The following CSMD3 variants were observed in gnomAD, a reference collection of about 807,000 sequenced individuals.
CSMD3 encodes the protein CUB and sushi domain-containing protein 3.
A neutral mutation model predicts 435.2 loss-of-function variants in CSMD3; 177 were observed. That is an observed-to-expected ratio of 0.41 (90% CI 0.36 to 0.46). CSMD3 has a LOEUF of 0.46. Among genes scored for constraint, CSMD3 ranks in the 20% least tolerant of loss-of-function variants. CSMD3 has a pLI of 0.34. For synonymous variants in CSMD3, 1,656 were observed against 1,520.5 expected (o/e 1.09, Z -2.07); for missense variants, 4,265 against 4,504.6 (o/e 0.95, Z 1.52).
At chr8:112,418,133 T>C (rs1432463593) in intron 32 of CSMD3, among the ~76,000 whole-genome samples, 1 of 152,096 alleles carries the variant, frequency 6.6e-6, no homozygotes, top group Non-Finnish European at 1.5e-5. Flanking sequence ...AAAGAAGGAT[T>C]CAAATCAAAG....
intron 32 of CSMD3, among the ~76,000 whole-genome samples, chr8:112,409,697 G>A (rs1832167697): frequency 6.6e-6 from 1 of 151,836 alleles, no homozygotes; most frequent in Non-Finnish European, 1.5e-5. Context: ...GTACAGTTCT[G>A]AAGTACATAC....
intron 64 of CSMD3, among the ~76,000 whole-genome samples, chr8:112,245,191 A>G (rs1586517036): frequency 6.6e-6 from 1 of 152,066 alleles, no homozygotes; most frequent in East Asian, 1.9e-4. Flanking sequence ...TTGTTCACCT[A>G]ACTCTCTCTC....
intron 1 of CSMD3, among the ~76,000 whole-genome samples, chr8:113,374,087 G>T (rs2094363367): frequency 6.6e-6 from 1 of 151,204 alleles, no homozygotes; most frequent in African/African-American, 2.4e-5. Flanking sequence ...TCTAGATATG[G>T]GTGCATTTAA....
chr8:112,644,652 C>T (rs2074928898), intron 20 of CSMD3, among the ~76,000 whole-genome samples: 1 of 151,888 alleles, frequency 6.6e-6, no homozygotes, highest in South Asian at 2.1e-4. Flanking sequence ...TATAGAATGG[C>T]TATAAATTTA....
chr8:112,413,922 C>T (rs903599234), intron 32 of CSMD3, among the ~76,000 whole-genome samples: 3 of 152,066 alleles, frequency 2.0e-5, no homozygotes, highest in Admixed American at 1.3e-4. Flanking sequence ...ACCCCCTTCC[C>T]TCAATGTCTG....
chr8:112,469,160 CAAAAAAA>C (rs71309771), intron 32 of CSMD3, among the ~76,000 whole-genome samples: 7,122 of 91,716 alleles, frequency 0.078, 218 homozygotes, highest in South Asian at 0.2. Context: ...CTACACCAGG[CAAAAAAA>C]AAAAAAAAAA....
rs1554646010 is a variant in CSMD3 at position 112,666,258 on chromosome 8, G to A, written c.2816+19C>T. ...TTAGATAATATTTTCTTTAAAAGTA[G>A]GAAAAATATTTGTGAGACCTTTCAA... On this transcript the variant is annotated intron_variant, in intron 17 of 70. Transcript: ENST00000297405. The A allele has an allele frequency of 6.3e-7, 1 of 1,583,764 alleles. No individual in the cohort carries two copies. Among genetic ancestry groups the A allele is most frequent in the South Asian group, 1.1e-5 (1 of 89,964 alleles).
intron 10 of CSMD3, among the ~76,000 whole-genome samples, chr8:112,903,886 G>T (rs916657722): frequency 6.6e-6 from 1 of 151,242 alleles, no homozygotes; most frequent in Non-Finnish European, 1.5e-5. Context: ...CAACTTTCTA[G>T]TTGGATGTAC....
At position 112,552,587 on chromosome 8, in the gene CSMD3, C is replaced by T. The variant is rs759158472; in HGVS notation, c.4361+7G>A. 29 of 1,610,802 alleles carry T rather than the reference C, an allele frequency of 1.8e-5. No homozygotes were observed. Among genetic ancestry groups the T allele is most frequent in the Non-Finnish European group, 1.5e-5 (18 of 1,178,230 alleles). ...CTAGTAATGTTGAGAAAATGAAATT[C>T]ATTTACCTGACAATATTTCCAGGAT... On this transcript the variant is annotated splice_region_variant and intron_variant, in intron 26 of 70. Coordinates refer to ENST00000297405, the MANE Select transcript of CSMD3 (RefSeq NM_198123.2).
At chr8:112,762,855 T>A (rs2132155815) in intron 13 of CSMD3, among the ~76,000 whole-genome samples, 1 of 151,912 alleles carries the variant, frequency 6.6e-6, no homozygotes, top group Non-Finnish European at 1.5e-5. Context: ...AAAAAGTTGA[T>A]CTCATAAAAA....
chr8:112,934,422 C>G (rs2083213884), intron 9 of CSMD3, among the ~76,000 whole-genome samples: 1 of 152,064 alleles, frequency 6.6e-6, no homozygotes, highest in Non-Finnish European at 1.5e-5. Context: ...TTGAAGGAAA[C>G]ACAGATATCC....
At chr8:112,652,074 C>T (rs1175887062) in intron 18 of CSMD3, among the ~76,000 whole-genome samples, 1 of 152,130 alleles carries the variant, frequency 6.6e-6, no homozygotes, top group Non-Finnish European at 1.5e-5. Flanking sequence ...ATAGCCAAAA[C>T]ATGTTTTTTC....
chr8:112,930,670 T>C (rs1012064414), intron 9 of CSMD3, among the ~76,000 whole-genome samples: 5 of 152,126 alleles, frequency 3.3e-5, no homozygotes, highest in Non-Finnish European at 7.4e-5. Flanking sequence ...CTCTATAAAA[T>C]CCCATTTGAT....
At chr8:113,292,083 G>T (rs1231538313) in intron 2 of CSMD3, among the ~76,000 whole-genome samples, 2 of 151,684 alleles carry the variant, frequency 1.3e-5, no homozygotes, top group Non-Finnish European at 3.0e-5. Flanking sequence ...ATAATGCCTA[G>T]TTTAAAAGAA....
At chr8:113,333,693 G>T (rs112147199) in intron 1 of CSMD3, among the ~76,000 whole-genome samples, 2,011 of 151,808 alleles carry the variant, frequency 0.013, 26 homozygotes, top group Middle Eastern at 0.044. Context: ...AATAAGCTTT[G>T]AAATCAACCA....
chr8:113,097,428 CT>C (rs1216768637), intron 5 of CSMD3, among the ~76,000 whole-genome samples: 4 of 151,952 alleles, frequency 2.6e-5, no homozygotes, highest in Non-Finnish European at 5.9e-5. Flanking sequence ...CTTCTCTTAC[CT>C]TTTCAAATGA....
At chr8:112,699,821 A>G (rs997954032) in intron 13 of CSMD3, among the ~76,000 whole-genome samples, 2 of 152,078 alleles carry the variant, frequency 1.3e-5, no homozygotes, top group African/African-American at 2.4e-5. Context: ...AAAGGCTTAT[A>G]CTCTTTAGAG....
chr8:112,795,131 C>T (rs894783534), intron 13 of CSMD3, among the ~76,000 whole-genome samples: 2 of 152,076 alleles, frequency 1.3e-5, no homozygotes, highest in East Asian at 1.9e-4. Context: ...TTTCCTGACT[C>T]ATTCTTTAAT....
intron 32 of CSMD3, among the ~76,000 whole-genome samples, chr8:112,457,823 C>T (rs1164708160): frequency 6.6e-6 from 1 of 151,972 alleles, no homozygotes; most frequent in Non-Finnish European, 1.5e-5. Context: ...TGTCTAAATG[C>T]TTAGGACTGT....
Sources: gnomAD v4.1 joint callset for allele counts (sites outside exome capture counted in the v4.1 genomes callset) on GRCh38, gnomAD v4.1.1 for gene constraint, MANE v1.5 for transcripts, NCBI Gene and HGNC (gene_info 2026-07-23, HGNC 2026-07-21) for gene names.